Variants in NTRK3 observed in about 807,000 individuals in gnomAD.
NTRK3 encodes the protein NT-3 growth factor receptor.
In NTRK3, 24 loss-of-function variants were observed where a neutral mutation model predicts 91.7. The ratio of observed to expected loss-of-function variants is 0.26; its 90% CI spans 0.19 to 0.37. The LOEUF (loss-of-function observed/expected upper bound fraction) is 0.37, where lower values mean the gene tolerates loss of function less well. Among genes scored for constraint, NTRK3 ranks in the 10% least tolerant of loss-of-function variants. The pLI is 1.00. For synonymous variants in NTRK3, 483 were observed against 404.0 expected, an observed-to-expected ratio of 1.20 and a Z score of -2.34; for missense variants, 880 against 1,068.9, an observed-to-expected ratio of 0.82 and a Z score of 2.46.
intron 14 of NTRK3, among the ~76,000 whole-genome samples, chr15:88,024,046 G>A (rs1312972849): frequency 1.3e-5 from 2 of 152,190 alleles, no homozygotes. Flanking sequence ...TCTATATCAC[G>A]CTGATGCACT....
At chr15:88,036,169 A>G (rs1177641725) in intron 13 of NTRK3, among the ~76,000 whole-genome samples, 1 of 152,178 alleles carries the variant, frequency 6.6e-6, no homozygotes, top group Non-Finnish European at 1.5e-5. Context: ...CAAGTGCACA[A>G]CTATGAATGT....
exon 19 of NTRK3, chr15:87,876,983 G>A (rs762278873): frequency 6.2e-7 from 1 of 1,613,916 alleles, no homozygotes; most frequent in Non-Finnish European, 8.5e-7. Flanking sequence ...CCAAAGCATG[G>A]AGGATTTTGT....
chr15:88,107,832 C>A (rs2050881293), intron 13 of NTRK3, among the ~76,000 whole-genome samples: 1 of 152,026 alleles, frequency 6.6e-6, no homozygotes, highest in African/African-American at 2.4e-5. Context: ...TCCCAGTCAG[C>A]AGTGGGAGAG....
intron 13 of NTRK3, among the ~76,000 whole-genome samples, chr15:88,069,162 T>C (rs1480842541): frequency 1.3e-5 from 2 of 152,124 alleles, no homozygotes; most frequent in Non-Finnish European, 2.9e-5. Flanking sequence ...AGTAGAAGCA[T>C]GAAACTTTAG....
At chr15:88,220,141 A>ATAAAT in intron 3 of NTRK3, among the ~76,000 whole-genome samples, 1 of 152,350 alleles carries the variant, frequency 6.6e-6, no homozygotes, top group South Asian at 2.1e-4. Flanking sequence ...AATGAAATAA[A>ATAAAT]GAAATGAAAA....
chr15:88,070,516 C>A (rs912042125), intron 13 of NTRK3, among the ~76,000 whole-genome samples: 2 of 152,156 alleles, frequency 1.3e-5, no homozygotes, highest in African/African-American at 4.8e-5. Flanking sequence ...AGCTTTGCTT[C>A]CTTCAATTAG....
intron 13 of NTRK3, chr15:88,072,848 C>T (rs1023441760): frequency 2.1e-5 from 5 of 232,814 alleles, no homozygotes; most frequent in Non-Finnish European, 4.2e-5. Context: ...TGGGCCAATC[C>T]GGAGTTATGC....
chr15:88,059,761 C>T (rs1196378685), intron 13 of NTRK3, among the ~76,000 whole-genome samples: 1 of 152,128 alleles, frequency 6.6e-6, no homozygotes, highest in Non-Finnish European at 1.5e-5. Context: ...AATGTTATAA[C>T]ACCCAGGGCC....
At chr15:87,962,628 G>A (rs1029369148) in intron 14 of NTRK3, among the ~76,000 whole-genome samples, 3 of 152,110 alleles carry the variant, frequency 2.0e-5, no homozygotes, top group African/African-American at 7.2e-5. Flanking sequence ...CCCCTCCCTT[G>A]CCTGGAGCCC....
exon 10 of NTRK3, chr15:88,135,342 G>C (rs746542638): frequency 3.1e-6 from 5 of 1,614,172 alleles, no homozygotes; most frequent in Non-Finnish European, 1.7e-6. Flanking sequence ...CCACAAACTC[G>C]ATGCAGTGCT....
chr15:88,033,179 TA>T (rs1555473135), intron 13 of NTRK3, 134 bp from the exon 14 acceptor site: 17 of 42,472 alleles, frequency 4.0e-4, no homozygotes, highest in South Asian at 1.1e-3. Context: ...GGGTGTGTTA[TA>T]TATATATATA....
In NTRK3 at chr15:88,241,343, G is replaced by A. The variant is rs549722238; in HGVS notation, c.248+14563C>T. ...GTGAGTGACAGAAGGAGGGCAGGGG[G>A]ATGTCAGTCACCTGGATGGGAGACA... On this transcript the variant is annotated intron_variant, in intron 3 of 18. Transcript: ENST00000394480. The surrounding 1 kb of genome is among the most constrained non-coding windows in gnomAD (Gnocchi z 4.3). Among the ~76,000 whole-genome samples, 2 of 152,304 alleles carry A rather than the reference G, an allele frequency of 1.3e-5. No individual in the cohort carries two copies. Among genetic ancestry groups the A allele is most frequent in the South Asian group, 4.1e-4 (2 of 4,824 alleles).
Position 87,866,747 on chromosome 15 carries a change from G to C in NTRK3, c.*10188C>G, listed in dbSNP as rs79406420. ...AGCATATTATCAGGTTCAGTTCTGT[G>C]CTTAAGATATAAACCTCTCTGGTGC... On this transcript the variant is annotated 3_prime_UTR_variant, in exon 19 of 19. Transcript: ENST00000394480. 6.4e-3 allele frequency: 1,217 copies of C among 191,044 alleles called. 22 individuals are homozygous for C. Among genetic ancestry groups the C allele is most frequent in the East Asian group, 0.032 (390 of 12,156 alleles). The allele number at this position is 191,044 out of a possible 1,614,324, so 11.8% of individuals were successfully genotyped here.
intron 5 of NTRK3, among the ~76,000 whole-genome samples, chr15:88,150,352 G>GA (rs1485974175): frequency 6.6e-6 from 1 of 152,212 alleles, no homozygotes; most frequent in East Asian, 1.9e-4. Flanking sequence ...AATGTCAAAA[G>GA]AAAATTGGAT....
At chr15:87,971,086 C>A (rs2073220372) in intron 14 of NTRK3, among the ~76,000 whole-genome samples, 1 of 152,132 alleles carries the variant, frequency 6.6e-6, no homozygotes, top group African/African-American at 2.4e-5. Flanking sequence ...AAATTGACAG[C>A]CATAAAGATT....
chr15:88,019,722 G>A (rs563981226), intron 14 of NTRK3, among the ~76,000 whole-genome samples: 6 of 152,292 alleles, frequency 3.9e-5, no homozygotes, highest in African/African-American at 1.4e-4. Context: ...AGTTAACCTG[G>A]TGATATAGCA....
chr15:88,012,515 G>T lies in NTRK3; in HGVS notation c.1585+20342C>A, dbSNP rs1031653793. On this transcript the variant is annotated intron_variant, in intron 14 of 18. Coordinates refer to ENST00000394480, the Ensembl canonical transcript of NTRK3. ...ACAGGCAGGGTGAGAATGAGGCTGAGAACCTCTTGTTTATATCACTGTCAC... is the reference window on the plus strand; with the variant it reads ...ACAGGCAGGGTGAGAATGAGGCTGATAACCTCTTGTTTATATCACTGTCAC... 7.2e-5 allele frequency among the ~76,000 whole-genome samples: 11 copies of T among 152,248 alleles called. No homozygotes were observed. The South Asian group carries it at 2.3e-3, about 32-fold the overall frequency.
Position 88,128,749 on chromosome 15 carries a change from C to A in NTRK3, c.1205-15G>T. 1 of 1,613,040 alleles carries A rather than the reference C, an allele frequency of 6.2e-7. No homozygotes were observed. The highest frequency in any genetic ancestry group is 8.5e-7 in the Non-Finnish European group (1 of 1,179,084). Reference sequence around the variant, plus strand: ...ATCCGTGCTCTCTGCAAAAAAAGGACAAAGAGATAATTAACAAATTTAATA... The same window carrying A: ...ATCCGTGCTCTCTGCAAAAAAAGGAAAAAGAGATAATTAACAAATTTAATA... On this transcript the variant is annotated splice_polypyrimidine_tract_variant and intron_variant, in intron 10 of 18. Transcript: ENST00000394480.
intron 13 of NTRK3, among the ~76,000 whole-genome samples, chr15:88,079,072 C>A (rs370558372): frequency 3.3e-5 from 5 of 152,060 alleles, no homozygotes; most frequent in Admixed American, 6.5e-5. Context: ...GGAGCCCAGT[C>A]GGTGGATGTG....
Sources: allele counts gnomAD v4.1 joint callset (sites outside exome capture counted in the v4.1 genomes callset), GRCh38; gene constraint gnomAD v4.1.1; non-coding constraint Gnocchi (gnomAD v3.1); transcripts MANE v1.5; gene names NCBI Gene and HGNC (gene_info 2026-07-23, HGNC 2026-07-21).